SERINC4: variants seen among roughly 807,000 people sequenced by gnomAD.
The protein encoded by SERINC4 is serine incorporator 4.
Under a neutral mutation model 52.0 loss-of-function variants are expected in SERINC4, and 52 were observed. The observed-to-expected ratio is 1.00, with a 90% CI of 0.80 to 1.26. SERINC4 has a LOEUF of 1.26. SERINC4 is among the 50% of genes most tolerant of loss of function. The probability of loss-of-function intolerance (pLI) is 0.00; values close to 1 mark genes in which losing one functional copy is unlikely to be tolerated. For missense variants in SERINC4, 723 were observed against 632.8 expected, an observed-to-expected ratio of 1.14 and a Z score of -1.53; for synonymous variants, 264 against 247.7, an observed-to-expected ratio of 1.07 and a Z score of -0.62.
Position 43,796,637 on chromosome 15 carries a change from T to C in SERINC4, c.1046A>G (p.Tyr349Cys). The change falls in exon 8 of 12, where the codon TAT (tyrosine) becomes TGT (cysteine). Residue 349 changes from tyrosine to cysteine, a missense_variant. Transcript: ENST00000319327. Reference sequence around the variant, plus strand: ...GCACCAAGCAAAAAGCACACAAGCATACATGATGCTAGCACTCAGCATTGC... The same window carrying C: ...GCACCAAGCAAAAAGCACACAAGCACACATGATGCTAGCACTCAGCATTGC... ...SLAMLSASIM[Y>C]ACVLFACNEA... is the part of the protein sequence containing the mutation. 1 of 1,614,140 alleles carries C rather than the reference T, an allele frequency of 6.2e-7. No homozygotes were observed. Among genetic ancestry groups the C allele is most frequent in the Non-Finnish European group, 8.5e-7 (1 of 1,180,020 alleles).
chr15:43,797,863 A>C, intron 5 of SERINC4, 57 bp downstream of exon 5: 1 of 1,265,930 alleles, frequency 7.9e-7, no homozygotes, highest in Non-Finnish European at 1.2e-6. Context: ...AGCCCTTTCC[A>C]TGTAGTAATA....
chr15:43,796,700 A>C lies in SERINC4; in HGVS notation c.983T>G (p.Leu328Arg), dbSNP rs376218760. ...TGGTGTTTGGGGTTCCATTTTACTC[A>C]GGCCAGGCAGGCACAGGGTGTGATT... ...GQNHTLCLPG[L>R]SKMEPQTPDI... Residue 328 changes from leucine (L) to arginine (R), a missense_variant, in exon 8 of 12, where the codon CTG (leucine) becomes CGG (arginine). Transcript: ENST00000319327. 6 of 1,614,030 alleles carry C rather than the reference A, an allele frequency of 3.7e-6. No individual in the cohort carries two copies. In the African/African-American group the frequency reaches 8.0e-5, roughly 22 times the overall value.
rs1567172501 is a variant in SERINC4 at position 43,799,062 on chromosome 15, C to T, written c.355G>A (p.Val119Met). Residue 119 changes from valine to methionine, a missense_variant, in exon 3 of 12, where the codon GTG (valine) becomes ATG (methionine). Transcript: ENST00000319327. Reference sequence around the variant, plus strand: ...GCGGTTCCTGCACATACTCGGTACACAGCCCCAGAGCCACTGAGCACTGGA... The same window carrying T: ...GCGGTTCCTGCACATACTCGGTACATAGCCCCAGAGCCACTGAGCACTGGA... The part of the protein sequence containing the change: ...DCPVLSGSGA[V>M]YRVCAGTATF... 4.5e-6 allele frequency: 7 copies of T among 1,550,580 alleles called. No homozygotes were observed. Among genetic ancestry groups the T allele is most frequent in the African/African-American group, 1.4e-5 (1 of 73,134 alleles).
Position 43,796,385 on chromosome 15 carries a change from T to G in SERINC4, c.1068-158A>C, listed in dbSNP as rs781256185. 67 of 720,442 alleles carry G rather than the reference T, an allele frequency of 9.3e-5. 1 individual carries two copies. The Middle Eastern group carries it at 3.4e-3, about 37-fold the overall frequency. 44.6% of individuals were successfully genotyped at this position (720,442 alleles called of 1,614,324 possible). ...TAGAATTCTATTCATGTGAGAGCCC[T>G]AAGGTCTTTGGACATATTTTAAATT... On this transcript the variant is annotated intron_variant, in intron 8 of 11. Coordinates refer to ENST00000319327, the MANE Select transcript of SERINC4 (RefSeq NM_001258031.2).
chr15:43,798,977 C>T lies in SERINC4; in HGVS notation c.440G>A (p.Arg147Gln), dbSNP rs200276571. The change falls in exon 3 of 12, where the codon CGG (arginine) becomes CAG (glutamine). Residue 147 changes from arginine (R) to glutamine (Q), a missense_variant. Transcript: ENST00000319327. The part of the protein sequence containing the change: ...LVHLHSPTSP[R>Q]AQLHNSFWLL... ...CACAAACCTATTATGCAGCTGTGCCCGCGGGCTGGTGGGGGAGTGGAGGTG... is the reference window on the plus strand; with the variant it reads ...CACAAACCTATTATGCAGCTGTGCCTGCGGGCTGGTGGGGGAGTGGAGGTG... 8.5e-5 allele frequency: 132 copies of T among 1,550,440 alleles called. 1 individual carries two copies. Among genetic ancestry groups the T allele is most frequent in the Non-Finnish European group, 1.0e-4 (115 of 1,147,016 alleles).
At chr15:43,798,204 C>T in intron 4 of SERINC4, 191 bp from the exon 5 acceptor site, 1 of 610,136 alleles carries the variant, frequency 1.6e-6, no homozygotes, top group Non-Finnish European at 2.9e-6. Context: ...TGCGTGCCAC[C>T]ATGCCCGGCT....
chr15:43,796,656 G>A lies in SERINC4; in HGVS notation c.1027C>T (p.Leu343=). ...CAAGCATACATGATGCTAGCACTCA[G>A]CATTGCTAGAGAGATATCTGGTGTT... The part of the protein sequence containing the change: ...PQTPDISLAM[L]SASIMYACVL... The change falls in exon 8 of 12, where the codon CTG becomes TTG. Residue 343 remains leucine, a synonymous_variant. Coordinates refer to ENST00000319327, the MANE Select transcript of SERINC4 (RefSeq NM_001258031.2). The A allele has an allele frequency of 1.2e-6, 2 of 1,613,870 alleles. No individual in the cohort carries two copies. The highest frequency in any genetic ancestry group is 8.5e-7 in the Non-Finnish European group (1 of 1,179,800).
Position 43,796,901 on chromosome 15 carries a change from C to T in SERINC4, c.884G>A (p.Ser295Asn). 1 of 1,614,154 alleles carries T rather than the reference C, an allele frequency of 6.2e-7. No individual in the cohort carries two copies. The highest frequency in any genetic ancestry group is 1.3e-5 in the African/African-American group (1 of 75,040). Reference protein sequence around the residue: ...RSGLLQASVISCYIMYLTFSA... With the variant: ...RSGLLQASVINCYIMYLTFSA... ...GAAAGTCAGATACATGATATAGCAG[C>T]TGATGACAGAAGCTTGTAGGAGGCC... The change falls in exon 7 of 12, where the codon AGC becomes AAC. Residue 295 changes from serine (S) to asparagine (N), a missense_variant. Ser to Asn is a conservative substitution (Grantham distance 46, BLOSUM62 1). Transcript: ENST00000319327.
In SERINC4 at chr15:43,799,386, TGGA is replaced by T. The variant is rs2087275273; in HGVS notation, c.200_202del (p.Leu67del). 1.3e-6 allele frequency: 2 copies of T among 1,550,766 alleles called. No homozygotes were observed. The highest frequency in any genetic ancestry group is 1.7e-6 in the Non-Finnish European group (2 of 1,146,994). On this transcript the variant is annotated inframe_deletion, in exon 2 of 12. Coordinates refer to ENST00000319327, the MANE Select transcript of SERINC4 (RefSeq NM_001258031.2). ...GCAGCAGATTGCTGAGGCCCCCACA[TGGA>T]GGAGGATGTAGAACAGGCGGCTGCA...
At position 43,799,427 on chromosome 15, in the gene SERINC4, G is replaced by A. The variant is rs1377392181; in HGVS notation, c.162C>T (p.Leu54=). The A allele has an allele frequency of 7.1e-6, 11 of 1,550,812 alleles. No individual in the cohort carries two copies. The South Asian group carries it at 8.3e-5, about 12-fold the overall frequency. ...ASCCHSRWPS[L]TASTCSRLFY... is the part of the protein sequence containing the mutation. ...ACAGGCGGCTGCAAGTGGATGCGGT[G>A]AGAGAGGGCCACCTAGAGTGGCAGC... is the stretch of plus-strand genomic sequence containing the variant. Residue 54 remains leucine, a synonymous_variant, in exon 2 of 12, where the codon CTC becomes CTT. Transcript: ENST00000319327.
intron 2 of SERINC4, 74 bp from the exon 3 acceptor site, chr15:43,799,211 A>G: frequency 6.6e-7 from 1 of 1,507,490 alleles, no homozygotes; most frequent in Non-Finnish European, 9.0e-7. Context: ...CACGGGTATG[A>G]CCACTCATTT....
chr15:43,794,249 C>T lies in SERINC4; in HGVS notation c.*751G>A, dbSNP rs143742358. Reference sequence around the variant, plus strand: ...ATGCAGTAGAGGAATCCTCTAAGAACCATAGAGACTTCTTTTCTGTGATTT... The same window carrying T: ...ATGCAGTAGAGGAATCCTCTAAGAATCATAGAGACTTCTTTTCTGTGATTT... On this transcript the variant is annotated 3_prime_UTR_variant, in exon 12 of 12. Coordinates refer to ENST00000319327, the MANE Select transcript of SERINC4 (RefSeq NM_001258031.2). 2,559 of 388,790 alleles carry T rather than the reference C, an allele frequency of 6.6e-3. 161 individuals carry two copies. In the Admixed American group the frequency reaches 0.093, roughly 14 times the overall value. 24.1% of individuals were successfully genotyped at this position (388,790 alleles called of 1,614,324 possible). A position where few individuals can be genotyped will look rare whatever the true frequency, so the allele number is the denominator to read the frequency against.
Position 43,794,901 on chromosome 15 carries a change from T to A in SERINC4, c.*99A>T. On this transcript the variant is annotated 3_prime_UTR_variant, in exon 12 of 12. Coordinates refer to ENST00000319327, the MANE Select transcript of SERINC4 (RefSeq NM_001258031.2). The stretch of plus-strand genomic sequence containing the variant: ...TGACTTCAGCCCAAACGGAGATAAC[T>A]CCCTGTGTGTCCTTGAGGTATTGAG... 2 of 893,724 alleles carry A rather than the reference T, an allele frequency of 2.2e-6. No individual in the cohort carries two copies. The highest frequency in any genetic ancestry group is 3.5e-6 in the Non-Finnish European group (2 of 576,016). 55.4% of individuals were successfully genotyped at this position (893,724 alleles called of 1,614,324 possible).
intron 11 of SERINC4, 62 bp from the exon 12 acceptor site, chr15:43,795,275 C>A: frequency 6.3e-7 from 1 of 1,592,122 alleles, no homozygotes; most frequent in Non-Finnish European, 8.6e-7. Flanking sequence ...ACCTGTTCTA[C>A]CTCCTCACCA....
intron 3 of SERINC4, 178 bp downstream of exon 3, chr15:43,798,781 A>T: frequency 1.5e-6 from 1 of 666,902 alleles, no homozygotes; most frequent in Non-Finnish European, 2.6e-6. Flanking sequence ...CCTCCATTTT[A>T]GATGCTAGAA....
chr15:43,795,412 A>G lies in SERINC4; in HGVS notation c.1319T>C (p.Met440Thr), dbSNP rs2087186719. 1 of 1,614,056 alleles carries G rather than the reference A, an allele frequency of 6.2e-7. No homozygotes were observed. Among genetic ancestry groups the G allele is most frequent in the South Asian group, 1.1e-5 (1 of 91,090 alleles). The change falls in exon 11 of 12, where the codon ATG (methionine) becomes ACG (threonine). Residue 440 changes from methionine to threonine, a missense_variant. Met to Thr is a moderately conservative substitution (Grantham distance 81). Transcript: ENST00000319327. The part of the protein sequence containing the change: ...FVFFLASLYV[M>T]VTLTNWFSYE... ...CCTGAACCAGTTGGTAAGGGTAACC[A>G]TGACATAGAGTGAGGCAAGGAAGAA... is the stretch of plus-strand genomic sequence containing the variant.
chr15:43,796,104 CTT>C (rs2087209554), intron 9 of SERINC4, 49 bp downstream of exon 9: 2 of 1,333,422 alleles, frequency 1.5e-6, no homozygotes, highest in African/African-American at 1.4e-5. Flanking sequence ...GTGTGTGTGT[CTT>C]TGTGTGGGGG....
Position 43,800,095 on chromosome 15 carries a change from C to T in SERINC4, c.-109G>A, listed in dbSNP as rs1293772537. ...TGCCACTGTGTTGGGGCTGAGCACC[C>T]GGTCCCGGGCAGAATGGAGACGTCC... On this transcript the variant is annotated 5_prime_UTR_variant, in exon 1 of 12. Transcript: ENST00000319327. 7 of 796,488 alleles carry T rather than the reference C, an allele frequency of 8.8e-6. No homozygotes were observed. Among genetic ancestry groups the T allele is most frequent in the Non-Finnish European group, 1.2e-5 (6 of 519,070 alleles). 49.3% of individuals were successfully genotyped at this position (796,488 alleles called of 1,614,324 possible). A position where few individuals can be genotyped will look rare whatever the true frequency, so the allele number is the denominator to read the frequency against.
Position 43,799,111 on chromosome 15 carries a change from G to T in SERINC4, c.306C>A (p.Ala102=). The T allele has an allele frequency of 7.1e-6, 11 of 1,550,178 alleles. No homozygotes were observed. Among genetic ancestry groups the T allele is most frequent in the Non-Finnish European group, 8.7e-6 (10 of 1,146,646 alleles). Residue 102 remains alanine, a synonymous_variant, in exon 3 of 12, where the codon GCC becomes GCA. Transcript: ENST00000319327. Reference sequence around the variant, plus strand: ...GACAGTCAGAGAGGCCAAACAGGTGGGCACACAACCCCGAGGGCATCTGGA... The same window carrying T: ...GACAGTCAGAGAGGCCAAACAGGTGTGCACACAACCCCGAGGGCATCTGGA... ...HRIQMPSGLC[A]HLFGLSDCPV... is the part of the protein sequence containing the mutation.
Sources: gnomAD v4.1 joint callset for allele counts on GRCh38, gnomAD v4.1.1 for gene constraint, MANE v1.5 for transcripts, NCBI Gene and HGNC (gene_info 2026-07-23, HGNC 2026-07-21) for gene names.